FRYL: variants seen among roughly 807,000 people sequenced by gnomAD.
The protein encoded by FRYL is protein furry homolog-like.
In FRYL, 150 loss-of-function variants were observed where a neutral mutation model predicts 351.2. The observed-to-expected ratio is 0.43, with a 90% confidence interval of 0.37 to 0.49. The LOEUF is 0.49. Among genes scored for constraint, FRYL ranks in the 20% least tolerant of loss-of-function variants. The pLI, the probability that FRYL is intolerant of heterozygous loss-of-function variation, is 0.00. For synonymous variants in FRYL, 1,153 were observed against 1,257.1 expected, an observed-to-expected ratio of 0.92 and a Z score of 1.75; for missense variants, 3,036 against 3,619.3, an observed-to-expected ratio of 0.84 and a Z score of 4.13.
intron 1 of FRYL, among the ~76,000 whole-genome samples, chr4:48,775,052 T>C (rs963579985): frequency 5.9e-5 from 9 of 152,178 alleles, no homozygotes; most frequent in African/African-American, 1.9e-4. Context: ...CACAATTACG[T>C]TTGCAGAATT....
At chr4:48,528,473 G>T in intron 50 of FRYL, 137 bp from the exon 51 acceptor site, 1 of 499,578 alleles carries the variant, frequency 2.0e-6, no homozygotes, top group Non-Finnish European at 3.3e-6. Context: ...GCATGAGGCA[G>T]ATGTTAACAA....
At chr4:48,605,409 A>T (rs568822402) in intron 11 of FRYL, among the ~76,000 whole-genome samples, 46 of 152,344 alleles carry the variant, frequency 3.0e-4, no homozygotes, top group African/African-American at 9.6e-4. Flanking sequence ...CAATTTTTCA[A>T]CATGTAATAC....
intron 12 of FRYL, 43 bp from the exon 13 acceptor site, chr4:48,602,164 A>G: frequency 1.0e-6 from 1 of 978,992 alleles, no homozygotes; most frequent in South Asian, 1.3e-5. Flanking sequence ...TTTTTCATCG[A>G]AAAGCACTGG....
intron 7 of FRYL, among the ~76,000 whole-genome samples, chr4:48,616,398 T>C (rs1404450764): frequency 6.6e-6 from 1 of 152,226 alleles, no homozygotes; most frequent in Non-Finnish European, 1.5e-5. Flanking sequence ...AAATAATAGA[T>C]AATATGTATT....
At chr4:48,637,019 A>G (rs1253086226) in intron 3 of FRYL, 3 of 152,136 alleles carry the variant, frequency 2.0e-5, no homozygotes, top group African/African-American at 7.2e-5. Context: ...GAGTATGTAT[A>G]TAAAACCAAA....
At chr4:48,680,770 T>TA (rs1321074599) in intron 3 of FRYL, among the ~76,000 whole-genome samples, 1 of 152,182 alleles carries the variant, frequency 6.6e-6, no homozygotes, top group African/African-American at 2.4e-5. Flanking sequence ...AGAAAAATTT[T>TA]ATTAAAAAAG....
At chr4:48,559,973 A>G (rs1356147246) in intron 33 of FRYL, among the ~76,000 whole-genome samples, 1 of 152,142 alleles carries the variant, frequency 6.6e-6, no homozygotes, top group African/African-American at 2.4e-5. Flanking sequence ...ACAGAAAGGA[A>G]ATTGATACTA....
chr4:48,581,546 A>C lies in FRYL; in HGVS notation c.2046T>G (p.Asn682Lys). 1 of 1,613,930 alleles carries C rather than the reference A, an allele frequency of 6.2e-7. No homozygotes were observed. Among genetic ancestry groups the C allele is most frequent in the Middle Eastern group, 1.7e-4 (1 of 6,056 alleles). The change falls in exon 21 of 64, where the codon AAT becomes AAG. Residue 682 changes from asparagine (N) to lysine (K), a missense_variant. Transcript: ENST00000358350. ...CAAAGCCTTCAACCACATGGAATAC[A>C]TTGGAATATGGGCTCCTTTCCAGAG... is the stretch of plus-strand genomic sequence containing the variant. ...PPPLERSPYS[N>K]VFHVVEGFAL...
intron 1 of FRYL, among the ~76,000 whole-genome samples, chr4:48,723,808 A>C (rs1485706533): frequency 6.6e-6 from 1 of 151,942 alleles, no homozygotes; most frequent in Non-Finnish European, 1.5e-5. Flanking sequence ...AAATATAGCC[A>C]GGCATGGTAG....
intron 28 of FRYL, 75 bp from the exon 29 acceptor site, chr4:48,565,766 A>G: frequency 7.2e-7 from 1 of 1,389,166 alleles, no homozygotes; most frequent in Middle Eastern, 1.8e-4. Flanking sequence ...CATGTTATTG[A>G]ATGTGTAATA....
intron 1 of FRYL, among the ~76,000 whole-genome samples, chr4:48,745,498 C>G (rs1357554824): frequency 6.6e-6 from 1 of 151,668 alleles, no homozygotes; most frequent in East Asian, 1.9e-4. Context: ...AAACTTATCG[C>G]AAGGACAAAA....
intron 5 of FRYL, 85 bp from the exon 6 acceptor site, chr4:48,620,863 T>C: frequency 2.5e-6 from 3 of 1,194,242 alleles, no homozygotes; most frequent in Non-Finnish European, 3.6e-6. Context: ...CATTTAGAAA[T>C]GAATAAACAC....
chr4:48,660,750 T>C (rs566046776), intron 3 of FRYL, among the ~76,000 whole-genome samples: 1 of 152,308 alleles, frequency 6.6e-6, no homozygotes, highest in South Asian at 2.1e-4. Context: ...TTGATAATGA[T>C]GTGATGAGAA....
rs17656125 is a variant in FRYL at position 48,567,431 on chromosome 4, T to C, written c.2997-11A>G. On this transcript the variant is annotated splice_polypyrimidine_tract_variant and intron_variant, in intron 27 of 63. Transcript: ENST00000358350. This position sits in a 1 kb window ranked among gnomAD's most constrained non-coding sequence, Gnocchi z 4.2. ...AGGCCACCACTTGCACTGAAAATAT[T>C]GAAGAAAACAAAAGATGAAGTAAAT... The C allele has an allele frequency of 0.065, 102,285 of 1,572,024 alleles. 4,410 individuals carry two copies. The highest frequency in any genetic ancestry group is 0.24 in the East Asian group (10,802 of 44,104).
At chr4:48,730,888 T>A (rs1770645550) in intron 1 of FRYL, among the ~76,000 whole-genome samples, 1 of 152,144 alleles carries the variant, frequency 6.6e-6, no homozygotes, top group South Asian at 2.1e-4. Context: ...TAAATGTAAA[T>A]GTGCTAAATG....
chr4:48,682,660 C>A (rs183000558), intron 3 of FRYL, among the ~76,000 whole-genome samples: 3 of 151,868 alleles, frequency 2.0e-5, no homozygotes, highest in Admixed American at 1.3e-4. Flanking sequence ...AACAAACATA[C>A]GAAAAAAAAC....
At chr4:48,695,927 A>G (rs1397606539) in intron 2 of FRYL, among the ~76,000 whole-genome samples, 3 of 152,248 alleles carry the variant, frequency 2.0e-5, no homozygotes, top group Admixed American at 6.5e-5. Context: ...TATGAAAAAC[A>G]GCTCAACATC....
intron 59 of FRYL, among the ~76,000 whole-genome samples, chr4:48,508,470 TAGAC>T (rs1375816718): frequency 6.6e-6 from 1 of 152,250 alleles, no homozygotes; most frequent in East Asian, 1.9e-4. Context: ...AGCATATCTT[TAGAC>T]AGATTTATTT....
rs1438808379 is a variant in FRYL, at chr4:48,565,653, G to A, written c.3208C>T (p.Arg1070Cys). 3.7e-6 allele frequency: 6 copies of A among 1,612,792 alleles called. No individual in the cohort carries two copies. The highest frequency in any genetic ancestry group is 1.1e-5 in the South Asian group (1 of 90,714). The change falls in exon 29 of 64, where the codon CGT (arginine) becomes TGT (cysteine). Residue 1070 changes from arginine to cysteine, a missense_variant. Arg to Cys is a radical substitution (Grantham distance 180, BLOSUM62 -3). Coordinates refer to ENST00000358350, the MANE Select transcript of FRYL (RefSeq NM_015030.2). ...RRSIFPQQSL[R>C]HSLFMLFSHW... is the part of the protein sequence containing the mutation. ...CTGAACAGCATAAATAGACTGTGAC[G>A]AAGGCTCTGTTGAGGAAAAATACTT...
Sources: allele counts gnomAD v4.1 joint callset (sites outside exome capture counted in the v4.1 genomes callset), GRCh38; gene constraint gnomAD v4.1.1; non-coding constraint Gnocchi (gnomAD v3.1); transcripts MANE v1.5; gene names NCBI Gene and HGNC (gene_info 2026-07-23, HGNC 2026-07-21).